The following FGF14 variants were observed in gnomAD, a reference collection of about 807,000 sequenced individuals.
FGF14 encodes the protein fibroblast growth factor homologous factor 4.
A neutral mutation model predicts 25.5 loss-of-function variants in FGF14; 5 were observed. The observed-to-expected ratio is 0.20, with a 90% CI of 0.10 to 0.41. The LOEUF is 0.41. Among genes scored for constraint, FGF14 ranks in the 10% least tolerant of loss-of-function variants. The pLI is 1.00. For synonymous variants in FGF14, 138 were observed against 118.3 expected, an observed-to-expected ratio of 1.17 and a Z score of -1.08; for missense variants, 222 against 320.1, an observed-to-expected ratio of 0.69 and a Z score of 2.34.
chr13:102,083,347 T>C (rs1342265970), intron 1 of FGF14, among the ~76,000 whole-genome samples: 2 of 152,352 alleles, frequency 1.3e-5, no homozygotes, highest in Admixed American at 6.5e-5. Context: ...CCGTTTTTTT[T>C]CTTCTTGCCC....
chr13:101,728,168 C>T (rs2139697676), intron 3 of FGF14, among the ~76,000 whole-genome samples: 1 of 152,160 alleles, frequency 6.6e-6, no homozygotes, highest in East Asian at 1.9e-4. Flanking sequence ...ATTCAGTGTG[C>T]TGAATAACTT....
intron 1 of FGF14, among the ~76,000 whole-genome samples, chr13:102,102,496 C>A (rs1390713972): frequency 2.0e-5 from 3 of 152,136 alleles, no homozygotes; most frequent in Non-Finnish European, 4.4e-5. Flanking sequence ...GGAGTAGGAG[C>A]TTTTGCCCAA....
chr13:102,341,530 T>C (rs1383945313), intron 1 of FGF14, among the ~76,000 whole-genome samples: 1 of 152,146 alleles, frequency 6.6e-6, no homozygotes, highest in Non-Finnish European at 1.5e-5. Flanking sequence ...AAGGCTGTTC[T>C]TTTCCCCTTC....
intron 1 of FGF14, among the ~76,000 whole-genome samples, chr13:102,195,773 C>T (rs1363627163): frequency 3.5e-5 from 5 of 142,992 alleles, no homozygotes; most frequent in Admixed American, 7.2e-5. Flanking sequence ...GCCTGGGTGA[C>T]GCAGTGAGAC....
intron 1 of FGF14, among the ~76,000 whole-genome samples, chr13:102,345,724 CTT>C (rs1352716761): frequency 6.6e-6 from 1 of 152,224 alleles, no homozygotes; most frequent in East Asian, 1.9e-4. Flanking sequence ...ACTAACCTAA[CTT>C]TATTTACTTT....
intron 3 of FGF14, among the ~76,000 whole-genome samples, chr13:101,864,609 G>A (rs1274369989): frequency 6.6e-6 from 1 of 151,960 alleles, no homozygotes; most frequent in Non-Finnish European, 1.5e-5. Flanking sequence ...TGCAAAACAT[G>A]GTAACCTTGA....
At chr13:101,910,837 C>CGTGT (rs59758881) in intron 1 of FGF14, among the ~76,000 whole-genome samples, 3,221 of 129,234 alleles carry the variant, frequency 0.025, 73 homozygotes, top group Middle Eastern at 0.058. Context: ...GATTTGGATT[C>CGTGT]GTGTGTGTGT....
At chr13:101,953,595 ATT>A (rs1277764589) in intron 1 of FGF14, among the ~76,000 whole-genome samples, 1 of 135,048 alleles carries the variant, frequency 7.4e-6, no homozygotes. Flanking sequence ...TATAATTTTT[ATT>A]TTTTTTTTTT....
chr13:102,144,918 G>A (rs1207282107), intron 1 of FGF14, among the ~76,000 whole-genome samples: 4 of 151,978 alleles, frequency 2.6e-5, no homozygotes, highest in Admixed American at 1.3e-4. Flanking sequence ...AAATGAATAC[G>A]TTTCTATTTA....
At chr13:102,186,120 A>G (rs1195067896) in intron 1 of FGF14, among the ~76,000 whole-genome samples, 1 of 152,136 alleles carries the variant, frequency 6.6e-6, no homozygotes, top group African/African-American at 2.4e-5. Context: ...AAAAATATAT[A>G]TATATGATTC....
intron 1 of FGF14, among the ~76,000 whole-genome samples, chr13:102,000,226 G>A (rs1433438988): frequency 2.0e-5 from 3 of 152,168 alleles, no homozygotes; most frequent in Non-Finnish European, 4.4e-5. Flanking sequence ...GGCTGAGACA[G>A]GAGAATGGCT....
At chr13:102,378,631 C>CTATATATA (rs750576641) in intron 1 of FGF14, among the ~76,000 whole-genome samples, 94 of 141,900 alleles carry the variant, frequency 6.6e-4, no homozygotes, top group Admixed American at 2.8e-3. Flanking sequence ...ATCTATCTAT[C>CTATATATA]TATATATATA....
intron 1 of FGF14, among the ~76,000 whole-genome samples, chr13:102,378,141 T>G (rs917047577): frequency 6.6e-5 from 10 of 152,188 alleles, no homozygotes; most frequent in Non-Finnish European, 5.9e-5. Flanking sequence ...ACATTATATA[T>G]TTGTCTAAAC....
At chr13:102,306,881 C>G (rs771860620) in intron 1 of FGF14, among the ~76,000 whole-genome samples, 2 of 152,054 alleles carry the variant, frequency 1.3e-5, no homozygotes, top group African/African-American at 2.4e-5. Context: ...AATACGTCCA[C>G]GTCCTAATTT....
intron 1 of FGF14, among the ~76,000 whole-genome samples, chr13:102,285,906 C>G (rs892831746): frequency 6.6e-6 from 1 of 152,086 alleles, no homozygotes; most frequent in African/African-American, 2.4e-5. Flanking sequence ...TTGCAGAGAT[C>G]GTAGTACAAG....
intron 1 of FGF14, among the ~76,000 whole-genome samples, chr13:102,217,783 G>C (rs565919447): frequency 1.2e-4 from 19 of 152,266 alleles, no homozygotes; most frequent in Admixed American, 7.2e-4. Context: ...CACCGGTGAA[G>C]CGCTACAGCT....
At chr13:102,088,240 C>T (rs1054009449) in intron 1 of FGF14, among the ~76,000 whole-genome samples, 89 of 152,174 alleles carry the variant, frequency 5.8e-4, no homozygotes, top group Middle Eastern at 3.4e-3. Flanking sequence ...CTAAGTTGCT[C>T]CTGAAATTTT....
chr13:102,228,017 T>C (rs1000465628), intron 1 of FGF14, among the ~76,000 whole-genome samples: 3 of 152,228 alleles, frequency 2.0e-5, no homozygotes, highest in African/African-American at 7.2e-5. Context: ...TCATTCCTCA[T>C]TGAATAACAG....
rs900942615 is a variant in FGF14, at chr13:101,716,741, C to A, written c.*6090G>T. Reference sequence around the variant, plus strand: ...CTGGGGTCATGCAAAGAAGTCAAGACGAGAAATACTGTGATAAAATGGCAC... The same window carrying A: ...CTGGGGTCATGCAAAGAAGTCAAGAAGAGAAATACTGTGATAAAATGGCAC... On this transcript the variant is annotated 3_prime_UTR_variant, in exon 5 of 5. Transcript: ENST00000376143. The A allele has an allele frequency of 7.0e-6, 1 of 142,670 alleles. No individual in the cohort carries two copies. The highest frequency in any genetic ancestry group is 2.6e-5 in the African/African-American group (1 of 38,020). The allele number at this position is 142,670 out of a possible 1,614,324, so 8.8% of individuals were successfully genotyped here.
Sources: gnomAD v4.1 joint callset for allele counts (sites outside exome capture counted in the v4.1 genomes callset) on GRCh38, gnomAD v4.1.1 for gene constraint, MANE v1.5 for transcripts, NCBI Gene and HGNC (gene_info 2026-07-23, HGNC 2026-07-21) for gene names.